The following DACH2 variants were observed in gnomAD, a reference collection of about 807,000 sequenced individuals.
DACH2 encodes the protein dachshund family transcription factor 2.
DACH2 carries 17 observed loss-of-function variants against 35.8 expected under a neutral mutation model. That is an observed-to-expected ratio of 0.48 (90% confidence interval 0.33 to 0.71). DACH2 has a LOEUF of 0.71. DACH2 is among the 30% of genes least tolerant of loss of function. The pLI is 0.02. For synonymous variants in DACH2, 195 were observed against 177.3 expected (o/e 1.10, Z -0.79); for missense variants, 469 against 472.7 (o/e 0.99, Z 0.07).
rs1237958130 is a variant in DACH2 at position 86,667,537 on chromosome X, GAAAGAAAGAAGAAAGAAAGA to G, written c.772+16373_772+16392del. Reference sequence around the variant, plus strand: ...AGAAAGAAAGAAAGAAAGAAAGAAAGAAAGAAAGAAGAAAGAAAGAAAGAAAGAAAGAAAGAAAGAAAGAA... The same window carrying G: ...AGAAAGAAAGAAAGAAAGAAAGAAAGAAGAAAGAAAGAAAGAAAGAAAGAA... On this transcript the variant is annotated intron_variant, in intron 4 of 11. Transcript: ENST00000373125. Among the ~76,000 whole-genome samples the G allele has an allele frequency of 6.0e-3, 303 of 50,891 alleles. 1 individual carries two copies. Among genetic ancestry groups the G allele is most frequent in the Non-Finnish European group, 7.1e-3 (211 of 29,865 alleles). The allele number at this position is 50,891 out of a possible 115,157, so 44.2% of individuals were successfully genotyped here. A position where few individuals can be genotyped will look rare whatever the true frequency, so the allele number is the denominator to read the frequency against.
At chrX:86,599,049 C>T (rs1031373096) in intron 3 of DACH2, among the ~76,000 whole-genome samples, 9 of 110,694 alleles carry the variant, frequency 8.1e-5, no homozygotes, top group Admixed American at 1.9e-4. Flanking sequence ...TGAGAACATG[C>T]GGTGTTTGGT....
chrX:86,347,337 G>A (rs1041180469), intron 1 of DACH2, among the ~76,000 whole-genome samples: 2 of 112,672 alleles, frequency 1.8e-5, no homozygotes, highest in Non-Finnish European at 3.8e-5. Flanking sequence ...AATAGTTGAA[G>A]TAGTCAGCAA....
chrX:86,720,948 G>A (rs1235733488), intron 6 of DACH2, among the ~76,000 whole-genome samples: 1 of 112,424 alleles, frequency 8.9e-6, no homozygotes, highest in African/African-American at 3.2e-5. Flanking sequence ...ACACCACATG[G>A]AAGCCACCAG....
intron 4 of DACH2, among the ~76,000 whole-genome samples, chrX:86,686,086 C>T (rs187672671): frequency 3.3e-4 from 37 of 111,904 alleles, no homozygotes; most frequent in Admixed American, 2.4e-3. Context: ...TCAGATTTTT[C>T]GAGTCTTTCA....
intron 3 of DACH2, among the ~76,000 whole-genome samples, chrX:86,593,398 TTTTTA>T (rs199630866): frequency 0.29 from 26,029 of 91,194 alleles, 3,684 homozygotes; most frequent in East Asian, 0.49. Flanking sequence ...TATATATATT[TTTTTA>T]TTTTATTTTA....
chrX:86,617,733 T>C (rs1054257886), intron 3 of DACH2, among the ~76,000 whole-genome samples: 3 of 112,112 alleles, frequency 2.7e-5, no homozygotes, highest in Non-Finnish European at 5.6e-5. Context: ...ATGTGAATTA[T>C]CAATGCAGAA....
intron 3 of DACH2, among the ~76,000 whole-genome samples, chrX:86,519,816 T>A (rs1489135815): frequency 4.5e-5 from 5 of 111,058 alleles, no homozygotes; most frequent in Non-Finnish European, 9.4e-5. Context: ...TAGTGGCCTA[T>A]GTATTTTATT....
At chrX:86,514,960 A>G (rs1476302090) in intron 3 of DACH2, among the ~76,000 whole-genome samples, 1 of 111,826 alleles carries the variant, frequency 8.9e-6, no homozygotes. Flanking sequence ...ATAAATTAGC[A>G]TTGAACTTTG....
chrX:86,573,916 G>A (rs1314336237), intron 3 of DACH2, among the ~76,000 whole-genome samples: 3 of 111,066 alleles, frequency 2.7e-5, no homozygotes, highest in African/African-American at 9.8e-5. Context: ...CTTAAACGCG[G>A]TTTTAGTCAT....
At chrX:86,423,492 C>G (rs895681329) in intron 2 of DACH2, among the ~76,000 whole-genome samples, 2 of 107,451 alleles carry the variant, frequency 1.9e-5, no homozygotes, top group Non-Finnish European at 3.9e-5. Context: ...CTTTTCGAAC[C>G]TTTGGCCCTT....
At chrX:86,667,553 A>AAAGAAAGAAGAAAGAAAG (rs1569463684) in intron 4 of DACH2, among the ~76,000 whole-genome samples, 1 of 49,645 alleles carries the variant, frequency 2.0e-5, no homozygotes, top group Admixed American at 2.1e-4. Context: ...AAGAAGAAAG[A>AAAGAAAGAAGAAAGAAAG]AAGAAAGAAA....
At chrX:86,244,318 C>T (rs2033233156) in intron 1 of DACH2, among the ~76,000 whole-genome samples, 2 of 112,173 alleles carry the variant, frequency 1.8e-5, no homozygotes, top group African/African-American at 3.2e-5. Flanking sequence ...AATACTTCTT[C>T]TAATACTGAA....
chrX:86,650,959 T>C, intron 3 of DACH2, 77 bp from the exon 4 acceptor site: 1 of 955,118 alleles, frequency 1.0e-6, no homozygotes, highest in Non-Finnish European at 1.4e-6. Flanking sequence ...AGCCTGCACT[T>C]GTACCCCCAA....
intron 4 of DACH2, among the ~76,000 whole-genome samples, chrX:86,675,728 T>A (rs1384358518): frequency 1.9e-5 from 2 of 107,872 alleles, no homozygotes; most frequent in Non-Finnish European, 3.8e-5. Flanking sequence ...AACTTGGTGC[T>A]ATGAGTCTGA....
At chrX:86,175,695 ATCTTCCTTTAGACAGAAG>A (rs1264221358) in intron 1 of DACH2, among the ~76,000 whole-genome samples, 1 of 111,525 alleles carries the variant, frequency 9.0e-6, no homozygotes, top group Non-Finnish European at 1.9e-5. Flanking sequence ...AAGTAGAAGT[ATCTTCCTTTAGACAGAAG>A]CAAGATTAGT....
chrX:86,209,963 A>G lies in DACH2; in HGVS notation c.488+60855A>G, dbSNP rs1179950502. Among the ~76,000 whole-genome samples, 5 of 111,845 alleles carry G rather than the reference A, an allele frequency of 4.5e-5. No individual in the cohort carries two copies. In the East Asian group the frequency reaches 1.4e-3, roughly 31 times the overall value. ...ATGGGCTTTAGCTTTGTGCTTATGA[A>G]GAAAAAAAATCATTAGAAAAGAAGG... is the stretch of plus-strand genomic sequence containing the variant. On this transcript the variant is annotated intron_variant, in intron 1 of 11. Coordinates refer to ENST00000373125, the MANE Select transcript of DACH2 (RefSeq NM_053281.3).
At chrX:86,328,086 C>A (rs1388331444) in intron 1 of DACH2, among the ~76,000 whole-genome samples, 10 of 111,016 alleles carry the variant, frequency 9.0e-5, no homozygotes, top group Non-Finnish European at 1.3e-4. Context: ...TCAGAAATAT[C>A]ATTTACTATG....
intron 3 of DACH2, among the ~76,000 whole-genome samples, chrX:86,604,082 G>A (rs777932454): frequency 5.4e-5 from 6 of 110,925 alleles, no homozygotes; most frequent in Non-Finnish European, 1.1e-4. Context: ...GAAAGACAAT[G>A]TGTTCTTGAA....
At chrX:86,443,372 A>G (rs1477830137) in intron 2 of DACH2, among the ~76,000 whole-genome samples, 1 of 111,627 alleles carries the variant, frequency 9.0e-6, no homozygotes, top group East Asian at 2.8e-4. Flanking sequence ...TTAATTTTGT[A>G]TTCTGCAACT....
Sources: allele counts gnomAD v4.1 joint callset (sites outside exome capture counted in the v4.1 genomes callset), GRCh38; gene constraint gnomAD v4.1.1; transcripts MANE v1.5; gene names NCBI Gene and HGNC (gene_info 2026-07-23, HGNC 2026-07-21).